Variants in DNAAF9 observed in about 807,000 individuals in gnomAD.
DNAAF9 encodes shulin.
A neutral mutation model predicts 167.0 loss-of-function variants in DNAAF9; 90 were observed. The ratio of observed to expected loss-of-function variants is 0.54; its 90% CI spans 0.45 to 0.64. DNAAF9 has a LOEUF of 0.64. DNAAF9 is among the 30% of genes least tolerant of loss of function. The pLI is 0.00. For synonymous variants in DNAAF9, 491 were observed against 508.8 expected (o/e 0.96, Z 0.47); for missense variants, 1,315 against 1,442.2 (o/e 0.91, Z 1.43).
At chr20:3,260,263 C>T (rs1274891281) in intron 31 of DNAAF9, among the ~76,000 whole-genome samples, 4 of 151,942 alleles carry the variant, frequency 2.6e-5, no homozygotes, top group East Asian at 1.9e-4. Flanking sequence ...GGCGTGAACC[C>T]GGGAAGCGGA....
At chr20:3,328,210 C>T (rs926576406) in intron 12 of DNAAF9, among the ~76,000 whole-genome samples, 1 of 86,088 alleles carries the variant, frequency 1.2e-5, no homozygotes, top group Non-Finnish European at 2.4e-5. Flanking sequence ...GAGATGGAGT[C>T]TTGCTCTGTC....
At chr20:3,321,563 C>T (rs1172667917) in intron 16 of DNAAF9, among the ~76,000 whole-genome samples, 1 of 151,996 alleles carries the variant, frequency 6.6e-6, no homozygotes, top group African/African-American at 2.4e-5. Flanking sequence ...TCTCAGGTTC[C>T]CTGTTTTTGT....
chr20:3,353,977 T>G (rs932953229), intron 7 of DNAAF9, among the ~76,000 whole-genome samples: 1 of 152,208 alleles, frequency 6.6e-6, no homozygotes, highest in African/African-American at 2.4e-5. Context: ...GCACATTCTA[T>G]TTTTCCAATG....
At chr20:3,347,547 A>T (rs1031152581) in intron 8 of DNAAF9, among the ~76,000 whole-genome samples, 5 of 152,236 alleles carry the variant, frequency 3.3e-5, no homozygotes, top group African/African-American at 1.2e-4. Flanking sequence ...CAAATATATA[A>T]GACTTTTTCC....
In DNAAF9 at chr20:3,252,679, C is replaced by A; in HGVS notation, c.3427G>T (p.Asp1143Tyr). The change falls in exon 37 of 37, where the codon GAC (aspartate) becomes TAC (tyrosine). Residue 1143 changes from aspartate to tyrosine, a missense_variant. Around this residue, in one of 2 missense-constraint regions of DNAAF9, gnomAD observed 334 missense variants for 429.7 expected, o/e 0.78. Transcript: ENST00000252032. ...TCCACGTAGTCATTCATGAACTGGT[C>A]CATGACTGGTATCTCATTAAGGAAG... ...GDKTDFHPLMDQFMNDYVEEA... is the reference protein window; with the variant it reads ...GDKTDFHPLMYQFMNDYVEEA... 1 of 1,562,010 alleles carries A rather than the reference C, an allele frequency of 6.4e-7. No homozygotes were observed. The highest frequency in any genetic ancestry group is 1.1e-5 in the South Asian group (1 of 90,076).
At position 3,315,206 on chromosome 20, in the gene DNAAF9, A is replaced by G; in HGVS notation, c.1591-86T>C. 1.2e-6 allele frequency: 1 copy of G among 848,422 alleles called. No individual in the cohort carries two copies. 52.6% of individuals were successfully genotyped at this position (848,422 alleles called of 1,614,324 possible). On this transcript the variant is annotated intron_variant, in intron 19 of 36. Transcript: ENST00000252032. The surrounding 1 kb of genome is among the most constrained non-coding windows in gnomAD (Gnocchi z 4.1). ...ATTCACAGAATCAAAAGTCCTGCCC[A>G]ATTATGTCCGTCTACAAAAGCTGAG...
intron 7 of DNAAF9, among the ~76,000 whole-genome samples, chr20:3,350,679 G>A (rs1248661747): frequency 6.6e-6 from 1 of 152,094 alleles, no homozygotes; most frequent in African/African-American, 2.4e-5. Context: ...GTAAAGATAA[G>A]GCTGGGATAT....
chr20:3,353,856 A>G (rs1433475607), intron 7 of DNAAF9, among the ~76,000 whole-genome samples: 1 of 152,134 alleles, frequency 6.6e-6, no homozygotes, highest in Non-Finnish European at 1.5e-5. Flanking sequence ...GTTACAGAGA[A>G]GAAGATAGGC....
intron 6 of DNAAF9, among the ~76,000 whole-genome samples, chr20:3,364,194 T>C (rs1163417820): frequency 6.6e-6 from 1 of 152,238 alleles, no homozygotes; most frequent in Non-Finnish European, 1.5e-5. Context: ...TTAATGTCCT[T>C]TTCTTCTAAC....
At chr20:3,380,283 T>C (rs1477437965) in intron 3 of DNAAF9, among the ~76,000 whole-genome samples, 1 of 151,976 alleles carries the variant, frequency 6.6e-6, no homozygotes, top group African/African-American at 2.4e-5. Context: ...ATGGAAAAAA[T>C]TGTAATGGAA....
At chr20:3,368,862 A>C (rs949613881) in intron 6 of DNAAF9, among the ~76,000 whole-genome samples, 2 of 132,962 alleles carry the variant, frequency 1.5e-5, no homozygotes, top group Non-Finnish European at 3.2e-5. Context: ...GGCTGGGTGC[A>C]GGTGGCTCAC....
intron 28 of DNAAF9, 27 bp from the exon 29 acceptor site, chr20:3,278,976 TA>T: frequency 6.5e-7 from 1 of 1,538,866 alleles, no homozygotes; most frequent in South Asian, 1.1e-5. Context: ...GGGAAATATT[TA>T]AAAACCATTC....
rs371430958 is a variant in DNAAF9, at chr20:3,359,525, C to T, written c.681G>A (p.Leu227=). Residue 227 remains leucine, a synonymous_variant, in exon 7 of 37, where the codon TTG becomes TTA. Transcript: ENST00000252032. ...CTGTTTGGCTCCTTACATCTGAAAG[C>T]AAACTCTCCAGAGACATAGGATCCA... ...SKMDPMSLES[L]LSDDLVAFEH... is the part of the protein sequence containing the mutation. 1.1e-4 allele frequency: 172 copies of T among 1,609,420 alleles called. 3 individuals are homozygous for T. In the Middle Eastern group the frequency reaches 1.7e-3, roughly 15 times the overall value.
intron 30 of DNAAF9, among the ~76,000 whole-genome samples, chr20:3,266,342 A>G (rs2068489550): frequency 6.6e-6 from 1 of 152,218 alleles, no homozygotes; most frequent in Non-Finnish European, 1.5e-5. Context: ...TACTTTACAC[A>G]GTACAGGACT....
At chr20:3,273,651 A>G (rs561592839) in intron 29 of DNAAF9, among the ~76,000 whole-genome samples, 1 of 152,280 alleles carries the variant, frequency 6.6e-6, no homozygotes, top group African/African-American at 2.4e-5. Flanking sequence ...CAAGCCATTC[A>G]TGAGGGATCT....
chr20:3,356,441 T>A (rs746778007), intron 7 of DNAAF9, among the ~76,000 whole-genome samples: 1 of 152,252 alleles, frequency 6.6e-6, no homozygotes, highest in African/African-American at 2.4e-5. Context: ...TTTTTTCAAT[T>A]GGTTATTTTA....
intron 1 of DNAAF9, among the ~76,000 whole-genome samples, chr20:3,389,460 A>AT (rs986440237): frequency 6.6e-6 from 1 of 151,962 alleles, no homozygotes; most frequent in African/African-American, 2.4e-5. Context: ...AATTTTAAAA[A>AT]TTTTTTTAGA....
intron 5 of DNAAF9, among the ~76,000 whole-genome samples, chr20:3,374,606 T>G (rs1261241739): frequency 6.6e-6 from 1 of 152,262 alleles, no homozygotes; most frequent in Non-Finnish European, 1.5e-5. Flanking sequence ...TTTTTCTTTT[T>G]GTTGTTGCAA....
intron 27 of DNAAF9, 125 bp from the exon 28 acceptor site, chr20:3,281,891 T>C (rs2122863455): frequency 1.2e-6 from 1 of 837,408 alleles, no homozygotes; most frequent in Admixed American, 2.6e-5. Context: ...GCCCGCAATC[T>C]GGTCCCTTGG....
Sources: gnomAD v4.1 joint callset for allele counts (sites outside exome capture counted in the v4.1 genomes callset) on GRCh38, gnomAD v4.1.1 for gene constraint, gnomAD v4.1.1 regional missense constraint, Gnocchi (gnomAD v3.1) non-coding constraint, MANE v1.5 for transcripts, NCBI Gene and HGNC (gene_info 2026-07-23, HGNC 2026-07-21) for gene names.